Variants in NR3C2 observed in about 807,000 individuals in gnomAD.
The protein encoded by NR3C2 is nuclear receptor subfamily 3 group C member 2, also known as mineralocorticoid receptor.
NR3C2 carries 15 observed loss-of-function variants against 86.4 expected under a neutral mutation model. The observed-to-expected ratio is 0.17, with a 90% CI of 0.12 to 0.27. The LOEUF (loss-of-function observed/expected upper bound fraction) is 0.27, where lower values mean the gene tolerates loss of function less well. Ranked by LOEUF, NR3C2 falls within the 10% of genes least tolerant of loss-of-function variation. The probability of loss-of-function intolerance (pLI) is 1.00; values close to 1 mark genes in which losing one functional copy is unlikely to be tolerated. For synonymous variants in NR3C2, 458 were observed against 450.5 expected (o/e 1.02, Z -0.21); for missense variants, 960 against 1,195.6 (o/e 0.80, Z 2.91).
At chr4:148,211,116 T>A (rs188310570) in intron 3 of NR3C2, among the ~76,000 whole-genome samples, 3 of 152,318 alleles carry the variant, frequency 2.0e-5, no homozygotes, top group African/African-American at 7.2e-5. Flanking sequence ...ACTGTCCTTA[T>A]CCCACATAAG....
At chr4:148,175,454 T>C (rs1735331390) in intron 4 of NR3C2, among the ~76,000 whole-genome samples, 1 of 152,212 alleles carries the variant, frequency 6.6e-6, no homozygotes, top group South Asian at 2.1e-4. Context: ...ATGGCTTACT[T>C]ACAGCCTAGA....
chr4:148,117,706 T>TACCTGATTCCAGCG (rs1418456017), intron 7 of NR3C2, among the ~76,000 whole-genome samples: 1 of 152,316 alleles, frequency 6.6e-6, no homozygotes, highest in South Asian at 2.1e-4. Context: ...CTTTGATCAC[T>TACCTGATTCCAGCG]ACCTGATTCC....
At chr4:148,257,413 T>C (rs1037453833) in intron 3 of NR3C2, among the ~76,000 whole-genome samples, 4 of 152,132 alleles carry the variant, frequency 2.6e-5, no homozygotes, top group Non-Finnish European at 4.4e-5. Flanking sequence ...AGAACTGATA[T>C]GGCAAAATAG....
intron 2 of NR3C2, among the ~76,000 whole-genome samples, chr4:148,281,845 T>C (rs960372631): frequency 7.2e-5 from 11 of 152,170 alleles, no homozygotes; most frequent in African/African-American, 1.9e-4. Flanking sequence ...TACAAACATA[T>C]GTAAAGATAA....
chr4:148,258,156 C>G (rs1038584301), intron 3 of NR3C2, among the ~76,000 whole-genome samples: 1 of 152,182 alleles, frequency 6.6e-6, no homozygotes, highest in Non-Finnish European at 1.5e-5. Context: ...GCCAGCTGGC[C>G]AACTGCCTGC....
intron 2 of NR3C2, among the ~76,000 whole-genome samples, chr4:148,370,558 T>C (rs1746367361): frequency 6.6e-6 from 1 of 152,176 alleles, no homozygotes; most frequent in Non-Finnish European, 1.5e-5. Flanking sequence ...GAAACAGACG[T>C]GTATTGTTAG....
chr4:148,169,458 T>A (rs543270049), intron 4 of NR3C2, among the ~76,000 whole-genome samples: 1 of 151,956 alleles, frequency 6.6e-6, no homozygotes, highest in African/African-American at 2.4e-5. Context: ...AGATATACTA[T>A]GTAGCTACTT....
chr4:148,273,820 G>T (rs1269323179), intron 2 of NR3C2, among the ~76,000 whole-genome samples: 1 of 152,216 alleles, frequency 6.6e-6, no homozygotes, highest in Non-Finnish European at 1.5e-5. Flanking sequence ...GCTCCAAGTT[G>T]GAAGGGCTAT....
chr4:148,354,946 A>C (rs1040921459), intron 2 of NR3C2, among the ~76,000 whole-genome samples: 2 of 152,160 alleles, frequency 1.3e-5, no homozygotes, highest in Non-Finnish European at 2.9e-5. Flanking sequence ...AAGTGATTTC[A>C]TGATTTTATG....
chr4:148,309,126 T>C (rs1428103179), intron 2 of NR3C2, among the ~76,000 whole-genome samples: 1 of 152,204 alleles, frequency 6.6e-6, no homozygotes, highest in Non-Finnish European at 1.5e-5. Context: ...CATCACTGTG[T>C]ACCCTCTGAA....
At chr4:148,278,731 T>C (rs1741086561) in intron 2 of NR3C2, among the ~76,000 whole-genome samples, 2 of 152,186 alleles carry the variant, frequency 1.3e-5, no homozygotes, top group African/African-American at 4.8e-5. Flanking sequence ...GTGACAAACG[T>C]ACTAGATTCT....
intron 2 of NR3C2, among the ~76,000 whole-genome samples, chr4:148,264,186 T>C (rs1740263187): frequency 6.6e-6 from 1 of 152,230 alleles, no homozygotes; most frequent in African/African-American, 2.4e-5. Context: ...GCCAGCTGTC[T>C]TGCAAACATA....
At chr4:148,311,567 A>G (rs1742900905) in intron 2 of NR3C2, among the ~76,000 whole-genome samples, 1 of 152,212 alleles carries the variant, frequency 6.6e-6, no homozygotes, top group South Asian at 2.1e-4. Context: ...ATTACTGCCA[A>G]TAGTGTCCTA....
chr4:148,379,632 T>G (rs17024666), intron 2 of NR3C2, among the ~76,000 whole-genome samples: 10,520 of 152,222 alleles, frequency 0.069, 460 homozygotes, highest in African/African-American at 0.13. Context: ...TAGGCCAATT[T>G]TGAAATGAGA....
chr4:148,155,437 G>A (rs1046315908), intron 4 of NR3C2, among the ~76,000 whole-genome samples: 2 of 152,086 alleles, frequency 1.3e-5, no homozygotes, highest in East Asian at 1.9e-4. Flanking sequence ...AAATCAATGT[G>A]CAAAAATCAC....
chr4:148,297,847 C>T (rs530932139), intron 2 of NR3C2, among the ~76,000 whole-genome samples: 46 of 151,694 alleles, frequency 3.0e-4, no homozygotes, highest in Non-Finnish European at 6.2e-4. Context: ...TGAGATTGCG[C>T]CATTGCACTC....
Position 148,162,619 on chromosome 4 carries a change from C to T in NR3C2, c.2015-7718G>A, listed in dbSNP as rs1380544472. Among the ~76,000 whole-genome samples the T allele has an allele frequency of 3.9e-5, 6 of 152,178 alleles. No homozygotes were observed. The East Asian group carries it at 1.2e-3, about 29-fold the overall frequency. On this transcript the variant is annotated intron_variant, in intron 4 of 8. Transcript: ENST00000358102. The stretch of plus-strand genomic sequence containing the variant: ...AGAAAGCTTCTGGAGCTTTCTTGTG[C>T]TCAAGGCCTGGCTGGTTTTGAATGA...
At chr4:148,185,414 G>C (rs1161832693) in intron 4 of NR3C2, among the ~76,000 whole-genome samples, 4 of 152,182 alleles carry the variant, frequency 2.6e-5, no homozygotes, top group African/African-American at 9.7e-5. Context: ...CTACTCTGTA[G>C]GAAGTCCTGT....
chr4:148,173,448 C>T (rs1459159694), intron 4 of NR3C2, among the ~76,000 whole-genome samples: 1 of 152,020 alleles, frequency 6.6e-6, no homozygotes, highest in Non-Finnish European at 1.5e-5. Flanking sequence ...GTAAGTGATG[C>T]CTTTAATCTG....
Sources: gnomAD v4.1 joint callset for allele counts (sites outside exome capture counted in the v4.1 genomes callset) on GRCh38, gnomAD v4.1.1 for gene constraint, MANE v1.5 for transcripts, NCBI Gene and HGNC (gene_info 2026-07-23, HGNC 2026-07-21) for gene names.